The following FBXO4 variants were observed in gnomAD, a reference collection of about 807,000 sequenced individuals.
FBXO4 encodes the protein F-box protein 4.
FBXO4 carries 36 observed loss-of-function variants against 43.7 expected under a neutral mutation model. The observed-to-expected ratio is 0.82, with a 90% confidence interval of 0.63 to 1.09. The LOEUF (loss-of-function observed/expected upper bound fraction) is 1.09, where lower values mean the gene tolerates loss of function less well. Among genes scored for constraint, FBXO4 ranks in the 50% least tolerant of loss-of-function variants. FBXO4 has a pLI of 0.00. For missense variants in FBXO4, 435 were observed against 474.1 expected (o/e 0.92, Z 0.77); for synonymous variants, 180 against 165.6 (o/e 1.09, Z -0.67).
downstream of FBXO4, among the ~76,000 whole-genome samples, chr5:41,944,633 T>G (rs1318314213): frequency 6.6e-6 from 1 of 152,238 alleles, no homozygotes; most frequent in Non-Finnish European, 1.5e-5. Context: ...ATATTCCATA[T>G]TTAGCAGTCA....
chr5:41,931,534 T>A (rs1751688220), intron 3 of FBXO4, among the ~76,000 whole-genome samples: 1 of 152,244 alleles, frequency 6.6e-6, no homozygotes, highest in Non-Finnish European at 1.5e-5. Flanking sequence ...TATAAGCAAA[T>A]CTGCTAGAAT....
At chr5:42,019,871 A>G in the FBXO4 span, among the ~76,000 whole-genome samples, 1 of 152,108 alleles carries the variant, frequency 6.6e-6, no homozygotes, top group African/African-American at 2.4e-5. Flanking sequence ...TAATTGAGTG[A>G]CAAGGTTAGA....
chr5:41,971,347 CAT>C, the FBXO4 span, among the ~76,000 whole-genome samples: 1 of 151,734 alleles, frequency 6.6e-6, no homozygotes, highest in East Asian at 1.9e-4. Context: ...TCCTATAGTG[CAT>C]ATGTGCTGCT....
chr5:42,022,008 C>T, the FBXO4 span, among the ~76,000 whole-genome samples: 1 of 152,074 alleles, frequency 6.6e-6, no homozygotes, highest in African/African-American at 2.4e-5. Flanking sequence ...GATTTGGTTT[C>T]TTTCATGGTC....
chr5:41,946,240 GTTGCA>G (rs2112594518), downstream of FBXO4, among the ~76,000 whole-genome samples: 1 of 152,242 alleles, frequency 6.6e-6, no homozygotes, highest in South Asian at 2.1e-4. Flanking sequence ...AGAGAGCCCC[GTTGCA>G]TTGCAGGCTG....
At chr5:41,954,740 G>A in the FBXO4 span, among the ~76,000 whole-genome samples, 1 of 152,158 alleles carries the variant, frequency 6.6e-6, no homozygotes, top group African/African-American at 2.4e-5. Flanking sequence ...TGATTGTGAT[G>A]CATATGTTTA....
Position 41,939,610 on chromosome 5 carries a change from A to G in FBXO4, c.1068A>G (p.Pro356=), listed in dbSNP as rs754092619. 2.1e-5 allele frequency: 34 copies of G among 1,610,786 alleles called. 1 individual carries two copies. Among genetic ancestry groups the G allele is most frequent in the Admixed American group, 6.7e-5 (4 of 59,602 alleles). The change falls in exon 6 of 7, where the codon CCA becomes CCG. Residue 356 remains proline, a synonymous_variant. Transcript: ENST00000281623. The part of the protein sequence containing the change: ...HELHLNLLNH[P]WLVQDTEAET... ...TGCATCTGAATCTTCTAAATCACCC[A>G]TGGCTGGTAAGATCATTTATACTCT...
the FBXO4 span, among the ~76,000 whole-genome samples, chr5:41,985,455 G>A: frequency 6.6e-6 from 1 of 152,182 alleles, no homozygotes; most frequent in African/African-American, 2.4e-5. Flanking sequence ...ATGTCAGAAA[G>A]TAGTTTCCAA....
At chr5:41,930,350 G>A (rs965903338) in intron 3 of FBXO4, among the ~76,000 whole-genome samples, 4 of 152,196 alleles carry the variant, frequency 2.6e-5, no homozygotes, top group Non-Finnish European at 5.9e-5. Flanking sequence ...AATAGTAAAT[G>A]TAAGTAATAA....
At chr5:41,926,433 C>T (rs1209290241) in intron 1 of FBXO4, among the ~76,000 whole-genome samples, 1 of 152,106 alleles carries the variant, frequency 6.6e-6, no homozygotes, top group South Asian at 2.1e-4. Context: ...ATTAGCCGGG[C>T]TTGGTGGCAG....
the FBXO4 span, among the ~76,000 whole-genome samples, chr5:41,993,542 C>T: frequency 6.6e-6 from 1 of 151,008 alleles, no homozygotes; most frequent in Non-Finnish European, 1.5e-5. Context: ...ATCAGATCTT[C>T]AGGACTATTC....
chr5:41,998,151 C>G, the FBXO4 span, among the ~76,000 whole-genome samples: 1 of 152,204 alleles, frequency 6.6e-6, no homozygotes, highest in African/African-American at 2.4e-5. Context: ...ATTATGATAG[C>G]TATGTCTACC....
the FBXO4 span, among the ~76,000 whole-genome samples, chr5:42,009,375 ATGTGTGTG>A: frequency 1.4e-3 from 195 of 143,678 alleles, no homozygotes; most frequent in African/African-American, 3.5e-3. Context: ...GTGTGTGTGT[ATGTGTGTG>A]TGTGTGTGTG....
chr5:41,929,951 C>T (rs1265073566), intron 3 of FBXO4, 34 bp downstream of exon 3: 1 of 1,434,008 alleles, frequency 7.0e-7, no homozygotes, highest in Non-Finnish European at 9.6e-7. Flanking sequence ...TTAATTCAAA[C>T]ACTTTGAGCT....
the FBXO4 span, among the ~76,000 whole-genome samples, chr5:42,036,550 T>C: frequency 6.6e-6 from 1 of 152,114 alleles, no homozygotes; most frequent in African/African-American, 2.4e-5. Flanking sequence ...AATCAGCCAT[T>C]AGTGAAATTC....
chr5:41,992,313 T>A, the FBXO4 span, among the ~76,000 whole-genome samples: 1 of 152,220 alleles, frequency 6.6e-6, no homozygotes, highest in African/African-American at 2.4e-5. Context: ...TTGAGGTACA[T>A]GAACATGATG....
the FBXO4 span, among the ~76,000 whole-genome samples, chr5:41,997,790 G>A: frequency 1.3e-5 from 2 of 152,112 alleles, no homozygotes; most frequent in Non-Finnish European, 1.5e-5. Flanking sequence ...TCTGGTAAAA[G>A]GCTGGGAGGT....
the FBXO4 span, among the ~76,000 whole-genome samples, chr5:41,994,354 C>T: frequency 6.6e-6 from 1 of 152,164 alleles, no homozygotes. Flanking sequence ...GGAGGAAATA[C>T]TCATGACAAT....
At chr5:42,024,847 C>T in the FBXO4 span, among the ~76,000 whole-genome samples, 1 of 151,962 alleles carries the variant, frequency 6.6e-6, no homozygotes, top group African/African-American at 2.4e-5. Flanking sequence ...TAATGACCTC[C>T]AGTTCCATCC....
Sources: gnomAD v4.1 joint callset for allele counts (sites outside exome capture counted in the v4.1 genomes callset) on GRCh38, gnomAD v4.1.1 for gene constraint, MANE v1.5 for transcripts, NCBI Gene and HGNC (gene_info 2026-07-23, HGNC 2026-07-21) for gene names.